Variants in PRKN observed in about 807,000 individuals in gnomAD.
PRKN encodes E3 ubiquitin-protein ligase parkin.
In PRKN, 56 loss-of-function variants were observed where a neutral mutation model predicts 59.5. The ratio of observed to expected loss-of-function variants is 0.94; its 90% CI spans 0.76 to 1.18. The LOEUF is 1.18. Ranked by LOEUF, PRKN falls within the 50% of genes most tolerant of loss-of-function variation. The pLI, the probability that PRKN is intolerant of heterozygous loss-of-function variation, is 0.00. For missense variants in PRKN, 657 were observed against 596.4 expected (o/e 1.10, Z -1.06); for synonymous variants, 250 against 222.1 (o/e 1.13, Z -1.12).
chr6:162,492,284 T>C (rs1792852515), intron 1 of PRKN, among the ~76,000 whole-genome samples: 1 of 152,208 alleles, frequency 6.6e-6, no homozygotes, highest in South Asian at 2.1e-4. Context: ...CGCTTGCTTA[T>C]CCTCACCCCT....
intron 1 of PRKN, among the ~76,000 whole-genome samples, chr6:162,541,256 C>T (rs1159003915): frequency 2.0e-5 from 3 of 152,154 alleles, no homozygotes; most frequent in Non-Finnish European, 4.4e-5. Flanking sequence ...GTGATGAGTG[C>T]GTGGTGCATC....
intron 7 of PRKN, among the ~76,000 whole-genome samples, chr6:161,684,007 T>C (rs1003972457): frequency 6.6e-5 from 10 of 152,226 alleles, no homozygotes; most frequent in African/African-American, 2.4e-4. Flanking sequence ...GATTTTAATC[T>C]TAGCATGGAA....
At chr6:161,700,323 T>G (rs1048370495) in intron 7 of PRKN, among the ~76,000 whole-genome samples, 3 of 152,078 alleles carry the variant, frequency 2.0e-5, no homozygotes, top group Non-Finnish European at 4.4e-5. Context: ...TCCTACTTAT[T>G]CTTTAGGCCT....
intron 4 of PRKN, among the ~76,000 whole-genome samples, chr6:162,166,225 G>A (rs1307597947): frequency 6.6e-6 from 1 of 152,238 alleles, no homozygotes. Flanking sequence ...GGCATGAACG[G>A]TTGCTCCACA....
chr6:162,374,423 T>C (rs921810356), intron 2 of PRKN, among the ~76,000 whole-genome samples: 1 of 151,756 alleles, frequency 6.6e-6, no homozygotes, highest in Non-Finnish European at 1.5e-5. Flanking sequence ...AGTTTGTTTA[T>C]GTGATATTTA....
At chr6:161,504,081 T>G (rs1482612085) in intron 9 of PRKN, among the ~76,000 whole-genome samples, 1 of 152,098 alleles carries the variant, frequency 6.6e-6, no homozygotes, top group Admixed American at 6.5e-5. Flanking sequence ...ACCGATGACA[T>G]GGGTATAGAG....
chr6:162,684,673 G>A (rs1324727801), intron 1 of PRKN, among the ~76,000 whole-genome samples: 1 of 151,992 alleles, frequency 6.6e-6, no homozygotes, highest in African/African-American at 2.4e-5. Flanking sequence ...GGTTACTGTT[G>A]TCTTCATGGT....
chr6:162,693,728 T>C (rs1421550566), intron 1 of PRKN, among the ~76,000 whole-genome samples: 1 of 152,178 alleles, frequency 6.6e-6, no homozygotes, highest in Admixed American at 6.5e-5. Flanking sequence ...TTTTTGTGCA[T>C]AATAAAAGTT....
At chr6:162,021,369 A>T (rs1010674411) in intron 5 of PRKN, among the ~76,000 whole-genome samples, 2 of 146,534 alleles carry the variant, frequency 1.4e-5, no homozygotes, top group Admixed American at 1.4e-4. Context: ...AGGTCATCCA[A>T]TCCCTTTATG....
At chr6:162,147,328 G>A (rs1782071611) in intron 4 of PRKN, among the ~76,000 whole-genome samples, 1 of 143,108 alleles carries the variant, frequency 7.0e-6, no homozygotes, top group Non-Finnish European at 1.5e-5. Flanking sequence ...GGGTGACAGA[G>A]GAAGACTCTG....
chr6:162,575,709 G>A (rs567523174), intron 1 of PRKN, among the ~76,000 whole-genome samples: 1 of 152,242 alleles, frequency 6.6e-6, no homozygotes, highest in South Asian at 2.1e-4. Flanking sequence ...GTGTCTAAAA[G>A]AATGGCCAGG....
chr6:162,216,326 C>G (rs185364750), intron 3 of PRKN, among the ~76,000 whole-genome samples: 3,451 of 151,088 alleles, frequency 0.023, 118 homozygotes, highest in African/African-American at 0.079. Context: ...GTCAGGAGAT[C>G]GAGATCATCC....
chr6:162,658,679 AAAAAAG>A (rs1157973993), intron 1 of PRKN, among the ~76,000 whole-genome samples: 36 of 102,486 alleles, frequency 3.5e-4, no homozygotes, highest in Middle Eastern at 5.2e-3. Flanking sequence ...AAAAAGAAAA[AAAAAAG>A]AAAAAAGAAA....
intron 7 of PRKN, among the ~76,000 whole-genome samples, chr6:161,619,905 T>C (rs1223975265): frequency 6.6e-6 from 1 of 152,028 alleles, no homozygotes; most frequent in Non-Finnish European, 1.5e-5. Flanking sequence ...AAATATATTA[T>C]TAAAATTAAC....
rs746546108 is a variant in PRKN at position 161,401,322 on chromosome 6, T to C, written c.1084-14445A>G. ...GCACCAAAGAATTAATTTTAAAAGT[T>C]AGAGTTGGCCGGGCATGGTGGCTCA... On this transcript the variant is annotated intron_variant, in intron 9 of 11. Coordinates refer to ENST00000366898, the MANE Select transcript of PRKN (RefSeq NM_004562.3). This position sits in a 1 kb window ranked among gnomAD's most constrained non-coding sequence, Gnocchi z 4.4. 7.2e-5 allele frequency among the ~76,000 whole-genome samples: 11 copies of C among 152,050 alleles called. No homozygotes were observed. The highest frequency in any genetic ancestry group is 1.3e-4 in the Non-Finnish European group (9 of 67,988).
chr6:162,613,677 G>A (rs1199632113), intron 1 of PRKN, among the ~76,000 whole-genome samples: 1 of 151,746 alleles, frequency 6.6e-6, no homozygotes, highest in Non-Finnish European at 1.5e-5. Context: ...ACTCCCCTAA[G>A]AAAAAAATGA....
intron 2 of PRKN, among the ~76,000 whole-genome samples, chr6:162,264,208 C>T (rs117342682): frequency 0.028 from 4,265 of 152,080 alleles, 78 homozygotes; most frequent in East Asian, 0.06. Flanking sequence ...ACCTGGGAGG[C>T]GAAGGTTGGA....
At chr6:161,649,027 CT>C (rs1784058565) in intron 7 of PRKN, among the ~76,000 whole-genome samples, 1 of 152,198 alleles carries the variant, frequency 6.6e-6, no homozygotes, top group African/African-American at 2.4e-5. Flanking sequence ...TTGCAAGTAG[CT>C]AAATACACCA....
chr6:162,611,420 G>C (rs1223737618), intron 1 of PRKN, among the ~76,000 whole-genome samples: 1 of 152,160 alleles, frequency 6.6e-6, no homozygotes, highest in Non-Finnish European at 1.5e-5. Context: ...GCAGAACTAA[G>C]GAGATTTGGT....
Sources: allele counts gnomAD v4.1 joint callset (sites outside exome capture counted in the v4.1 genomes callset), GRCh38; gene constraint gnomAD v4.1.1; non-coding constraint Gnocchi (gnomAD v3.1); transcripts MANE v1.5; gene names NCBI Gene and HGNC (gene_info 2026-07-23, HGNC 2026-07-21).